Variants in TENM2 observed in about 807,000 individuals in gnomAD.
TENM2 encodes teneurin transmembrane protein 2.
A neutral mutation model predicts 245.2 loss-of-function variants in TENM2; 52 were observed. The observed-to-expected ratio is 0.21, with a 90% CI of 0.17 to 0.27. The LOEUF is 0.27. TENM2 is among the 10% of genes least tolerant of loss of function. TENM2 has a pLI of 1.00. For synonymous variants in TENM2, 1,363 were observed against 1,438.9 expected (o/e 0.95, Z 1.19); for missense variants, 3,046 against 3,666.8 (o/e 0.83, Z 4.37).
intron 8 of TENM2, among the ~76,000 whole-genome samples, chr5:168,094,076 A>G (rs11954164): frequency 7.3e-5 from 11 of 150,786 alleles, no homozygotes; most frequent in Non-Finnish European, 1.3e-4. Context: ...CCAAGGACCT[A>G]TTGTATACCA....
intron 2 of TENM2, among the ~76,000 whole-genome samples, chr5:167,553,628 C>T (rs889801470): frequency 3.9e-5 from 6 of 152,022 alleles, no homozygotes; most frequent in Non-Finnish European, 8.8e-5. Context: ...AGATTGGGGG[C>T]GGGGGTTGGA....
intron 8 of TENM2, among the ~76,000 whole-genome samples, chr5:168,092,869 A>G (rs1270140087): frequency 1.3e-5 from 2 of 152,218 alleles, no homozygotes; most frequent in Non-Finnish European, 2.9e-5. Context: ...AACAACAAGA[A>G]CAGCTATGCA....
intron 2 of TENM2, among the ~76,000 whole-genome samples, chr5:167,799,983 C>T (rs1765589605): frequency 6.6e-6 from 1 of 152,204 alleles, no homozygotes. Flanking sequence ...CGTGTCATAG[C>T]TCAGCATCCC....
the TENM2 span, among the ~76,000 whole-genome samples, chr5:167,085,529 A>G: frequency 1.3e-5 from 2 of 152,144 alleles, no homozygotes; most frequent in African/African-American, 4.8e-5. Flanking sequence ...TGCATGCATT[A>G]TTTTATTTAA....
intron 7 of TENM2, among the ~76,000 whole-genome samples, chr5:168,066,326 G>A (rs867951860): frequency 4.0e-4 from 61 of 152,272 alleles, no homozygotes; most frequent in African/African-American, 1.3e-3. Context: ...CTTTAGTGGA[G>A]GAGGACATAC....
chr5:168,246,780 C>G, exon 27 of TENM2: 1 of 1,613,870 alleles, frequency 6.2e-7, no homozygotes, highest in Non-Finnish European at 8.5e-7. Context: ...TGCTTCAGAG[C>G]CAACGTCAGT....
the TENM2 span, among the ~76,000 whole-genome samples, chr5:166,996,568 A>C: frequency 3.3e-5 from 5 of 152,302 alleles, no homozygotes; most frequent in Non-Finnish European, 5.9e-5. Context: ...GGCCCTTTAC[A>C]GAAAAAGTTT....
At chr5:167,326,152 G>C (rs1757063716) in intron 1 of TENM2, among the ~76,000 whole-genome samples, 1 of 152,132 alleles carries the variant, frequency 6.6e-6, no homozygotes, top group East Asian at 1.9e-4. Flanking sequence ...GGGTTAGAGA[G>C]AAAGGTCAGT....
intron 12 of TENM2, among the ~76,000 whole-genome samples, chr5:168,150,517 T>A (rs1395668406): frequency 6.6e-6 from 1 of 152,228 alleles, no homozygotes; most frequent in Admixed American, 6.5e-5. Context: ...AATCCCATTT[T>A]GTTTCTGTTA....
At chr5:168,201,042 C>A (rs534325139) in intron 17 of TENM2, among the ~76,000 whole-genome samples, 1 of 152,070 alleles carries the variant, frequency 6.6e-6, no homozygotes, top group African/African-American at 2.4e-5. Context: ...GTTGGGTAAC[C>A]TCTCAATAAC....
intron 2 of TENM2, among the ~76,000 whole-genome samples, chr5:167,381,673 G>A (rs895177460): frequency 7.9e-5 from 12 of 152,220 alleles, no homozygotes; most frequent in African/African-American, 2.4e-4. Context: ...CTTCCTCCAG[G>A]CTACACTGTT....
At chr5:168,146,676 C>G (rs1464027981) in intron 12 of TENM2, among the ~76,000 whole-genome samples, 1 of 152,238 alleles carries the variant, frequency 6.6e-6, no homozygotes, top group African/African-American at 2.4e-5. Flanking sequence ...AGCATGGCTC[C>G]TCTCTTCTAA....
At position 168,003,377 on chromosome 5, in the gene TENM2, A is replaced by C. The variant is rs56324792; in HGVS notation, c.1186+10195A>C. Among the ~76,000 whole-genome samples, 240 of 152,042 alleles carry C rather than the reference A, an allele frequency of 1.6e-3. 1 individual carries two copies. The highest frequency in any genetic ancestry group is 5.4e-3 in the African/African-American group (226 of 41,468). Reference sequence around the variant, plus strand: ...AAGCTGGCATAACTGTGAAGAGTCAAGAGCCAAGGAAAGAGGAATTAATAC... The same window carrying C: ...AAGCTGGCATAACTGTGAAGAGTCACGAGCCAAGGAAAGAGGAATTAATAC... On this transcript the variant is annotated intron_variant, in intron 5 of 28. Coordinates refer to ENST00000518659, the Ensembl canonical transcript of TENM2.
intron 13 of TENM2, among the ~76,000 whole-genome samples, chr5:168,171,771 A>T (rs1408290252): frequency 6.6e-6 from 1 of 152,204 alleles, no homozygotes; most frequent in Non-Finnish European, 1.5e-5. Context: ...CTGAAAAAAA[A>T]TTTTAATCAT....
At position 167,751,370 on chromosome 5, in the gene TENM2, G is replaced by A. The variant is rs988207362; in HGVS notation, c.503-124616G>A. Among the ~76,000 whole-genome samples, 5 of 152,180 alleles carry A rather than the reference G, an allele frequency of 3.3e-5. No individual in the cohort carries two copies. The East Asian group carries it at 5.8e-4, about 18-fold the overall frequency. On this transcript the variant is annotated intron_variant, in intron 2 of 28. Coordinates refer to ENST00000518659, the Ensembl canonical transcript of TENM2. ...CAGTAAGAGTGATATTGAGAGGACCGATAGGAGGTTGTCACACTGCAAGAT... is the reference window on the plus strand; with the variant it reads ...CAGTAAGAGTGATATTGAGAGGACCAATAGGAGGTTGTCACACTGCAAGAT...
chr5:167,784,283 GT>G (rs1165864793), intron 2 of TENM2, among the ~76,000 whole-genome samples: 1 of 152,202 alleles, frequency 6.6e-6, no homozygotes, highest in East Asian at 1.9e-4. Context: ...CCCTGAAGGG[GT>G]TTTGTTGTTT....
chr5:168,060,859 C>T (rs1018730659), intron 6 of TENM2, among the ~76,000 whole-genome samples: 3 of 152,124 alleles, frequency 2.0e-5, no homozygotes, highest in Non-Finnish European at 4.4e-5. Flanking sequence ...GCTCGCTCAC[C>T]GTTTAGGCCA....
intron 2 of TENM2, among the ~76,000 whole-genome samples, chr5:167,757,311 AACTCCCACTTATGAGTGAGAACATGCAG>A (rs1762374268): frequency 6.7e-6 from 1 of 148,412 alleles, no homozygotes; most frequent in African/African-American, 2.5e-5. Flanking sequence ...CTCATTGTTC[AACTCCCACTTATGAGTGAGAACATGCAG>A]TGTTTGGTTT....
chr5:167,853,289 C>CAAAAAAAAAAAAAAAA lies in TENM2; in HGVS notation c.503-22689_503-22674dup, dbSNP rs777170514. ...TGGGAGACAGAGCGAGACTCCGTCT[C>CAAAAAAAAAAAAAAAA]AAAAAAAAAAAAAAAAAAAAAAAGA... On this transcript the variant is annotated intron_variant, in intron 2 of 28. Transcript: ENST00000518659. 5.5e-3 allele frequency among the ~76,000 whole-genome samples: 136 copies of CAAAAAAAAAAAAAAAA among 24,592 alleles called. 9 individuals carry two copies. Among genetic ancestry groups the CAAAAAAAAAAAAAAAA allele is most frequent in the African/African-American group, 0.012 (82 of 6,614 alleles). The allele number at this position is 24,592 out of a possible 152,430, so 16.1% of individuals were successfully genotyped here.
Sources: gnomAD v4.1 joint callset for allele counts (sites outside exome capture counted in the v4.1 genomes callset) on GRCh38, gnomAD v4.1.1 for gene constraint, MANE v1.5 for transcripts, NCBI Gene and HGNC (gene_info 2026-07-23, HGNC 2026-07-21) for gene names.